Variants in GRIK5 observed in about 807,000 individuals in gnomAD.
The protein encoded by GRIK5 is glutamate ionotropic receptor kainate type subunit 5.
In GRIK5, 43 loss-of-function variants were observed where a neutral mutation model predicts 97.4. The observed-to-expected ratio is 0.44, with a 90% CI of 0.35 to 0.57. The LOEUF is 0.57. Ranked by LOEUF, GRIK5 falls within the 20% of genes least tolerant of loss-of-function variation. The pLI, the probability that GRIK5 is intolerant of heterozygous loss-of-function variation, is 0.01. For missense variants in GRIK5, 1,015 were observed against 1,382.0 expected, an observed-to-expected ratio of 0.73 and a Z score of 4.21; for synonymous variants, 580 against 583.5, an observed-to-expected ratio of 0.99 and a Z score of 0.09.
At chr19:42,027,825 CTTAT>C (rs2075790769) in intron 12 of GRIK5, among the ~76,000 whole-genome samples, 1 of 152,078 alleles carries the variant, frequency 6.6e-6, no homozygotes, top group African/African-American at 2.4e-5. Flanking sequence ...AAAAGAAAGG[CTTAT>C]TTATTTGTTT....
In GRIK5 at chr19:42,065,550, C is replaced by T. The variant is rs1448147359; in HGVS notation, c.79+142G>A. The T allele has an allele frequency of 7.1e-6, 7 of 985,738 alleles. No homozygotes were observed. Among genetic ancestry groups the T allele is most frequent in the Non-Finnish European group, 7.5e-6 (5 of 670,514 alleles). 61.1% of individuals were successfully genotyped at this position (985,738 alleles called of 1,614,324 possible). A position where few individuals can be genotyped will look rare whatever the true frequency, so the allele number is the denominator to read the frequency against. On this transcript the variant is annotated intron_variant, in intron 2 of 19. Coordinates refer to ENST00000593562, the MANE Select transcript of GRIK5 (RefSeq NM_002088.5). The surrounding 1 kb of genome is among the most constrained non-coding windows in gnomAD (Gnocchi z 5.8). ...AGCTAGGGGTCTGGACTCCTGGGTC[C>T]TGGGGGAAGGAGGAACTGGAGGCTG...
In GRIK5 at chr19:42,042,513, CG is replaced by C; in HGVS notation, c.1473+38del. On this transcript the variant is annotated intron_variant, in intron 12 of 19. Coordinates refer to ENST00000593562, the MANE Select transcript of GRIK5 (RefSeq NM_002088.5). The surrounding 1 kb of genome is among the most constrained non-coding windows in gnomAD (Gnocchi z 6.9). ...CAGCTGCCCGCCCTCCCTCACTCGC[CG>C]GGTCCATGCATCTTTCCCGGCCCCA... 6.4e-7 allele frequency: 1 copy of C among 1,554,484 alleles called. No individual in the cohort carries two copies. Among genetic ancestry groups the C allele is most frequent in the Non-Finnish European group, 8.8e-7 (1 of 1,140,612 alleles).
intron 9 of GRIK5, 44 bp from the exon 10 acceptor site, chr19:42,053,973 C>G (rs1481985929): frequency 1.5e-6 from 2 of 1,349,870 alleles, no homozygotes; most frequent in South Asian, 1.2e-5. Flanking sequence ...TGCAGGGGCC[C>G]AGAGATGGGC....
chr19:42,030,544 G>A (rs1048871792), intron 12 of GRIK5, among the ~76,000 whole-genome samples: 4 of 151,794 alleles, frequency 2.6e-5, no homozygotes, highest in African/African-American at 9.7e-5. Context: ...CTGTAGTCTC[G>A]AACTCCCAGG....
Position 42,052,609 on chromosome 19 carries a change from C to T in GRIK5, c.1269+993G>A, listed in dbSNP as rs540757592. 4.6e-5 allele frequency among the ~76,000 whole-genome samples: 7 copies of T among 152,330 alleles called. No individual in the cohort carries two copies. The East Asian group carries it at 7.7e-4, about 17-fold the overall frequency. The stretch of plus-strand genomic sequence containing the variant: ...CCTCTCTGAATGTCAGCATCCACAG[C>T]GAATAGCTGACACAGCTCAGAGTTA... On this transcript the variant is annotated intron_variant, in intron 11 of 19. Coordinates refer to ENST00000593562, the MANE Select transcript of GRIK5 (RefSeq NM_002088.5).
chr19:42,033,368 T>G (rs2075863332), intron 12 of GRIK5, among the ~76,000 whole-genome samples: 1 of 146,950 alleles, frequency 6.8e-6, no homozygotes, highest in African/African-American at 2.5e-5. Flanking sequence ...TATGCCATGA[T>G]GTGGATGAAC....
intron 19 of GRIK5, among the ~76,000 whole-genome samples, chr19:42,000,533 A>G (rs539131044): frequency 2.7e-4 from 41 of 152,342 alleles, no homozygotes; most frequent in African/African-American, 9.6e-4. Flanking sequence ...TGTTGGACAC[A>G]TCGCATCACG....
intron 3 of GRIK5, chr19:42,063,601 G>T (rs142298754): frequency 1.3e-5 from 4 of 307,648 alleles, no homozygotes; most frequent in South Asian, 1.1e-4. Context: ...AATTATCACT[G>T]GGTTTGCTAA....
At chr19:42,020,581 G>A (rs1362154174) in intron 15 of GRIK5, among the ~76,000 whole-genome samples, 1 of 152,216 alleles carries the variant, frequency 6.6e-6, no homozygotes, top group African/African-American at 2.4e-5. Context: ...TGAGATAGGA[G>A]GTTGGCACAA....
intron 12 of GRIK5, among the ~76,000 whole-genome samples, chr19:42,033,891 T>C (rs556969911): frequency 6.6e-6 from 1 of 152,204 alleles, no homozygotes; most frequent in Non-Finnish European, 1.5e-5. Context: ...TTCCAGCTAT[T>C]TGGGTGGCTG....
At chr19:42,033,421 C>G (rs925457261) in intron 12 of GRIK5, among the ~76,000 whole-genome samples, 1 of 150,112 alleles carries the variant, frequency 6.7e-6, no homozygotes, top group African/African-American at 2.5e-5. Flanking sequence ...AGAAGCCATA[C>G]ACAAAGACCG....
chr19:42,003,711 A>G lies in GRIK5; in HGVS notation c.2264-28T>C, dbSNP rs374864111. Reference sequence around the variant, plus strand: ...GGGCAGGCACACGAGGGGCTGGACCAGCCATCGGGCCCTGCAGCCCTGACC... The same window carrying G: ...GGGCAGGCACACGAGGGGCTGGACCGGCCATCGGGCCCTGCAGCCCTGACC... On this transcript the variant is annotated intron_variant, in intron 17 of 19. Coordinates refer to ENST00000593562, the MANE Select transcript of GRIK5 (RefSeq NM_002088.5). This position sits in a 1 kb window ranked among gnomAD's most constrained non-coding sequence, Gnocchi z 4.2. The G allele has an allele frequency of 3.4e-5, 54 of 1,587,032 alleles. No homozygotes were observed. The highest frequency in any genetic ancestry group is 6.9e-5 in the Admixed American group (4 of 57,856).
At position 42,064,641 on chromosome 19, in the gene GRIK5, A is replaced by T. The variant is rs528981880; in HGVS notation, c.244+582T>A. ...TCTGAAACATACACGAACACCATAA[A>T]GCCTCTGATAAGGCCTGCAGGAAAG... On this transcript the variant is annotated intron_variant, in intron 3 of 19. Coordinates refer to ENST00000593562, the MANE Select transcript of GRIK5 (RefSeq NM_002088.5). 2.0e-5 allele frequency among the ~76,000 whole-genome samples: 3 copies of T among 152,274 alleles called. No homozygotes were observed. In the South Asian group the frequency reaches 6.2e-4, roughly 32 times the overall value.
Position 42,059,453 on chromosome 19 carries a change from C to G in GRIK5, c.583G>C (p.Asp195His). The change falls in exon 6 of 20, where the codon GAC (aspartate) becomes CAC (histidine). Residue 195 changes from aspartate to histidine, a missense_variant. By Grantham distance (81) the Asp-to-His change is moderately conservative. Around this residue, in one of 5 missense-constraint regions of GRIK5, gnomAD observed 477 missense variants for 701.1 expected, o/e 0.68. Transcript: ENST00000593562. ...KETLSVRMLDDSRDPTPLLKE... is the reference protein window; with the variant it reads ...KETLSVRMLDHSRDPTPLLKE... ...AGCAGTGGTGTGGGGTCCCGGCTGT[C>G]GTCCAACATCCTCACTGACAGCGTC... is the stretch of plus-strand genomic sequence containing the variant. 6.2e-7 allele frequency: 1 copy of G among 1,613,872 alleles called. No homozygotes were observed.
intron 12 of GRIK5, among the ~76,000 whole-genome samples, chr19:42,036,468 TCC>T (rs1321144338): frequency 1.3e-5 from 2 of 151,958 alleles, no homozygotes; most frequent in Admixed American, 6.6e-5. Flanking sequence ...TCCTCCCACC[TCC>T]CAGCCTCCTG....
intron 12 of GRIK5, among the ~76,000 whole-genome samples, chr19:42,027,539 T>C (rs189008038): frequency 2.6e-5 from 4 of 152,254 alleles, no homozygotes; most frequent in Admixed American, 1.3e-4. Flanking sequence ...ATGGAGGACA[T>C]TGCATGAGGA....
Position 42,053,650 on chromosome 19 carries a change from G to A in GRIK5, c.1221C>T (p.Asn407=). ...LAMNATTLDI[N]LSQTLANKTL... ...TCTTGTTGGCCAGTGTCTGCGACAG[G>A]TTGATGTCCAGGGTGGTGGCATTCA... The change falls in exon 11 of 20, where the codon AAC becomes AAT. Residue 407 remains asparagine, a synonymous_variant. Transcript: ENST00000593562. 6.2e-7 allele frequency: 1 copy of A among 1,613,660 alleles called. No individual in the cohort carries two copies.
intron 11 of GRIK5, among the ~76,000 whole-genome samples, chr19:42,052,259 T>C (rs2076126726): frequency 6.6e-6 from 1 of 151,956 alleles, no homozygotes; most frequent in South Asian, 2.1e-4. Flanking sequence ...TCTCCTGACC[T>C]CCCCTCCCTG....
At chr19:42,028,269 T>TGG (rs35445622) in intron 12 of GRIK5, among the ~76,000 whole-genome samples, 4 of 150,734 alleles carry the variant, frequency 2.7e-5, no homozygotes, top group Non-Finnish European at 5.9e-5. Context: ...CCTGTAATGA[T>TGG]GGGGGGGGGG....
Sources: allele counts gnomAD v4.1 joint callset (sites outside exome capture counted in the v4.1 genomes callset), GRCh38; gene constraint gnomAD v4.1.1; regional missense constraint gnomAD v4.1.1; non-coding constraint Gnocchi (gnomAD v3.1); transcripts MANE v1.5; gene names NCBI Gene and HGNC (gene_info 2026-07-23, HGNC 2026-07-21).